The following RNF213 variants were observed in gnomAD, a reference collection of about 807,000 sequenced individuals.
The protein encoded by RNF213 is E3 ubiquitin-protein ligase RNF213.
RNF213 carries 341 observed loss-of-function variants against 514.4 expected under a neutral mutation model. The ratio of observed to expected loss-of-function variants is 0.66; its 90% CI spans 0.61 to 0.73. The LOEUF (loss-of-function observed/expected upper bound fraction) is 0.73, where lower values mean the gene tolerates loss of function less well. RNF213 is among the 30% of genes least tolerant of loss of function. The pLI is 0.00. For synonymous variants in RNF213, 2,655 were observed against 2,658.2 expected (o/e 1.00, Z 0.04); for missense variants, 5,767 against 6,615.6 (o/e 0.87, Z 4.45).
chr17:80,307,103 G>T lies in RNF213; in HGVS notation c.2428-25G>T, dbSNP rs554700273. On this transcript the variant is annotated intron_variant, in intron 12 of 67. Transcript: ENST00000582970. ...GCATTGTGATTCAATCTTTTGTCCT[G>T]TTTTTCTTTTTTTCTCTGCCTTAGG... 203 of 1,611,552 alleles carry T rather than the reference G, an allele frequency of 1.3e-4. 3 individuals carry two copies. The South Asian group carries it at 2.1e-3, about 16-fold the overall frequency.
chr17:80,383,219 G>T, intron 58 of RNF213, 149 bp downstream of exon 58: 1 of 687,808 alleles, frequency 1.5e-6, no homozygotes. Context: ...TCCCCACCTC[G>T]AGTCACTCCA....
chr17:80,378,439 G>A (rs1369421546), intron 54 of RNF213, among the ~76,000 whole-genome samples: 2 of 152,138 alleles, frequency 1.3e-5, no homozygotes, highest in Non-Finnish European at 1.5e-5. Context: ...GAGCTGACAC[G>A]TGGTAGTTAG....
chr17:80,348,332 G>A (rs767282673), intron 29 of RNF213, 46 bp downstream of exon 29: 1 of 1,601,938 alleles, frequency 6.2e-7, no homozygotes, highest in Non-Finnish European at 8.5e-7. Context: ...TCACCCAAGA[G>A]TCCTAAATCC....
intron 52 of RNF213, 66 bp from the exon 53 acceptor site, chr17:80,376,816 C>T (rs2079778248): frequency 1.2e-5 from 17 of 1,404,808 alleles, no homozygotes; most frequent in Non-Finnish European, 1.6e-5. Flanking sequence ...AGGCCTCCTG[C>T]TGAGCAGCAG....
rs955856830 is a variant in RNF213, at chr17:80,264,028, C to T, written c.97+250C>T. Among the ~76,000 whole-genome samples, 5 of 152,152 alleles carry T rather than the reference C, an allele frequency of 3.3e-5. No homozygotes were observed. The highest frequency in any genetic ancestry group is 1.3e-4 in the Admixed American group (2 of 15,266). On this transcript the variant is annotated intron_variant, in intron 2 of 67. Coordinates refer to ENST00000582970, the MANE Select transcript of RNF213 (RefSeq NM_001256071.3). This position sits in a 1 kb window ranked among gnomAD's most constrained non-coding sequence, Gnocchi z 5.0. ...ACCACCACCCAGTGCTTCCGTCCCT[C>T]GTTCAGGCCCGGCCTGAGTGAGCCC...
intron 42 of RNF213, among the ~76,000 whole-genome samples, chr17:80,365,829 T>G (rs2079246605): frequency 6.6e-6 from 1 of 152,128 alleles, no homozygotes; most frequent in Non-Finnish European, 1.5e-5. Context: ...TTCAGCCAGG[T>G]CCAGCGTGGG....
intron 47 of RNF213, 43 bp downstream of exon 47, chr17:80,372,028 C>A: frequency 9.9e-7 from 1 of 1,011,314 alleles, no homozygotes; most frequent in Non-Finnish European, 1.6e-6. Flanking sequence ...TGGAAACTAT[C>A]TGAACCACAT....
At position 80,384,889 on chromosome 17, in the gene RNF213, C is replaced by T; in HGVS notation, c.14323-150C>T. Reference sequence around the variant, plus strand: ...GTAGACTTGTGGGAAGAACTTTTCCCGTTTTCAAGCTCCACGCTGCATCAC... The same window carrying T: ...GTAGACTTGTGGGAAGAACTTTTCCTGTTTTCAAGCTCCACGCTGCATCAC... On this transcript the variant is annotated intron_variant, in intron 59 of 67. Transcript: ENST00000582970. 12 of 844,800 alleles carry T rather than the reference C, an allele frequency of 1.4e-5. No homozygotes were observed. The South Asian group carries it at 1.6e-4, about 11-fold the overall frequency. 52.3% of individuals were successfully genotyped at this position (844,800 alleles called of 1,614,324 possible).
At chr17:80,339,147 G>A (rs2078075203) in intron 25 of RNF213, 54 bp from the exon 26 acceptor site, 8 of 1,395,652 alleles carry the variant, frequency 5.7e-6, no homozygotes, top group East Asian at 2.5e-5. Flanking sequence ...GCAGAGTAGC[G>A]TGTTACCCTC....
At chr17:80,289,894 C>A in intron 6 of RNF213, 57 bp downstream of exon 6, 1 of 1,520,514 alleles carries the variant, frequency 6.6e-7, no homozygotes, top group East Asian at 2.4e-5. Context: ...CCGGCACACC[C>A]TCTCCCTGCA....
At chr17:80,261,237 G>A (rs1156704616) in intron 1 of RNF213, among the ~76,000 whole-genome samples, 2 of 152,226 alleles carry the variant, frequency 1.3e-5, no homozygotes, top group African/African-American at 2.4e-5. Flanking sequence ...CGGGGCACGG[G>A]GGGTGTAGTG....
At chr17:80,378,931 C>G (rs2079869978) in intron 54 of RNF213, among the ~76,000 whole-genome samples, 1 of 152,178 alleles carries the variant, frequency 6.6e-6, no homozygotes, top group Non-Finnish European at 1.5e-5. Context: ...CCCAGCACTT[C>G]AGGAGGCTGA....
At chr17:80,381,036 C>T (rs765395101) in intron 56 of RNF213, 49 bp downstream of exon 56, 25 of 1,597,224 alleles carry the variant, frequency 1.6e-5, no homozygotes, top group East Asian at 6.7e-5. Flanking sequence ...AACCTGCTTT[C>T]GCTTCTTCCC....
rs2078229111 is a variant in RNF213, at chr17:80,343,760, T to G, written c.6184-97T>G. 1 of 1,246,312 alleles carries G rather than the reference T, an allele frequency of 8.0e-7. No individual in the cohort carries two copies. Among genetic ancestry groups the G allele is most frequent in the East Asian group, 2.3e-5 (1 of 43,238 alleles). 77.2% of individuals were successfully genotyped at this position (1,246,312 alleles called of 1,614,324 possible). The stretch of plus-strand genomic sequence containing the variant: ...GAAATGTTGATGTTGATCATCAGGA[T>G]CATCGTGACAAAGAGCAAAATAAGG... On this transcript the variant is annotated intron_variant, in intron 27 of 67. Coordinates refer to ENST00000582970, the MANE Select transcript of RNF213 (RefSeq NM_001256071.3). This position sits in a 1 kb window ranked among gnomAD's most constrained non-coding sequence, Gnocchi z 4.3.
chr17:80,341,656 C>T (rs559326415), intron 26 of RNF213: 19 of 152,106 alleles, frequency 1.2e-4, no homozygotes, highest in Non-Finnish European at 1.9e-4. Context: ...GAGGATCGCT[C>T]CAGCCCAAGA....
At chr17:80,298,826 AAAATT>A (rs2045064003) in intron 11 of RNF213, 1 of 330,750 alleles carries the variant, frequency 3.0e-6, no homozygotes, top group Non-Finnish European at 5.9e-6. Flanking sequence ...AAAAAAAAAA[AAAATT>A]AGCCAGGTGT....
At position 80,372,707 on chromosome 17, in the gene RNF213, T is replaced by A. The variant is rs762210944; in HGVS notation, c.12724T>A (p.Phe4242Ile). 6.2e-7 allele frequency: 1 copy of A among 1,613,784 alleles called. No homozygotes were observed. Among genetic ancestry groups the A allele is most frequent in the East Asian group, 2.2e-5 (1 of 44,876 alleles). The change falls in exon 48 of 68, where the codon TTC becomes ATC. Residue 4242 changes from phenylalanine to isoleucine, a missense_variant. Physicochemically the swap from Phe to Ile is conservative, Grantham distance 21. Coordinates refer to ENST00000582970, the MANE Select transcript of RNF213 (RefSeq NM_001256071.3). The stretch of plus-strand genomic sequence containing the variant: ...CCTCTGCCTCGACAGAGCTGCAGAT[T>A]TCCTCTCGGAGCCTGAGGGAGGCCC... Reference protein sequence around the residue: ...IRLCLDRAADFLSEPEGGPEM... With the variant: ...IRLCLDRAADILSEPEGGPEM...
At chr17:80,299,825 G>A (rs138216615) in intron 11 of RNF213, among the ~76,000 whole-genome samples, 51 of 152,128 alleles carry the variant, frequency 3.4e-4, no homozygotes, top group African/African-American at 1.0e-3. Flanking sequence ...TTTGGTTCTC[G>A]TTCCTGAGTT....
At position 80,347,365 on chromosome 17, in the gene RNF213, G is replaced by T. The variant is rs192751125; in HGVS notation, c.9030G>T (p.Glu3010Asp). The change falls in exon 29 of 68, where the codon GAG (glutamate) becomes GAT (aspartate). Residue 3010 changes from glutamate to aspartate, a missense_variant. Coordinates refer to ENST00000582970, the MANE Select transcript of RNF213 (RefSeq NM_001256071.3). The surrounding 1 kb of genome is among the most constrained non-coding windows in gnomAD (Gnocchi z 7.2). ...ATTTGCCCGAGGCCAAGTGCTCAGAGGAAGTCAGCCCCATGCAGCTGATCA... is the reference window on the plus strand; with the variant it reads ...ATTTGCCCGAGGCCAAGTGCTCAGATGAAGTCAGCCCCATGCAGCTGATCA... ...LANLPEAKCS[E>D]EVSPMQLIKQ... is the part of the protein sequence containing the mutation. The T allele has an allele frequency of 1.2e-6, 2 of 1,613,978 alleles. No homozygotes were observed. Among genetic ancestry groups the T allele is most frequent in the East Asian group, 4.5e-5 (2 of 44,886 alleles).
Sources: allele counts gnomAD v4.1 joint callset (sites outside exome capture counted in the v4.1 genomes callset), GRCh38; gene constraint gnomAD v4.1.1; non-coding constraint Gnocchi (gnomAD v3.1); transcripts MANE v1.5; gene names NCBI Gene and HGNC (gene_info 2026-07-23, HGNC 2026-07-21).